GPHN: variants seen among roughly 807,000 people sequenced by gnomAD.
GPHN encodes gephyrin.
A neutral mutation model predicts 95.5 loss-of-function variants in GPHN; 17 were observed. The ratio of observed to expected loss-of-function variants is 0.18; its 90% confidence interval spans 0.12 to 0.27. The LOEUF is 0.27. Among genes scored for constraint, GPHN ranks in the 10% least tolerant of loss-of-function variants. The probability of loss-of-function intolerance (pLI) is 1.00; values close to 1 mark genes in which losing one functional copy is unlikely to be tolerated. For synonymous variants in GPHN, 320 were observed against 322.5 expected, an observed-to-expected ratio of 0.99 and a Z score of 0.08; for missense variants, 660 against 978.1, an observed-to-expected ratio of 0.67 and a Z score of 4.34.
chr14:67,363,910 T>G, the GPHN span: 1 of 152,216 alleles, frequency 6.6e-6, no homozygotes, highest in East Asian at 1.9e-4. Flanking sequence ...GTTTGAGAGC[T>G]TCCTTTTTTA....
chr14:66,653,413 A>G (rs2065146509), intron 1 of GPHN, among the ~76,000 whole-genome samples: 1 of 152,138 alleles, frequency 6.6e-6, no homozygotes, highest in Non-Finnish European at 1.5e-5. Context: ...TGGTTAAAAT[A>G]TTTTCTAAAG....
At chr14:66,962,337 G>GTT (rs1244757295) in intron 8 of GPHN, among the ~76,000 whole-genome samples, 3 of 138,008 alleles carry the variant, frequency 2.2e-5, no homozygotes, top group African/African-American at 2.6e-5. Flanking sequence ...GGCAGTTTTT[G>GTT]TTTTTTTTTT....
At chr14:66,625,213 G>A (rs936064917) in intron 1 of GPHN, among the ~76,000 whole-genome samples, 3 of 151,988 alleles carry the variant, frequency 2.0e-5, no homozygotes, top group Admixed American at 2.0e-4. Context: ...CATGTAACTG[G>A]AACTACAAAC....
the GPHN span, among the ~76,000 whole-genome samples, chr14:67,221,496 A>G: frequency 6.6e-6 from 1 of 152,258 alleles, no homozygotes; most frequent in African/African-American, 2.4e-5. Context: ...CAGCAGCCCT[A>G]TGGAGTGACT....
At chr14:67,526,235 G>A in the GPHN span, among the ~76,000 whole-genome samples, 1 of 152,222 alleles carries the variant, frequency 6.6e-6, no homozygotes, top group Non-Finnish European at 1.5e-5. Context: ...AATACAATTG[G>A]GAGTCGGTCT....
At chr14:67,104,052 A>G (rs938656447) in intron 13 of GPHN, among the ~76,000 whole-genome samples, 3 of 151,990 alleles carry the variant, frequency 2.0e-5, no homozygotes, top group Admixed American at 1.3e-4. Flanking sequence ...TTCTATACCT[A>G]AGTTGTTGAG....
At chr14:66,797,138 T>C (rs1227681160) in intron 3 of GPHN, among the ~76,000 whole-genome samples, 1 of 150,876 alleles carries the variant, frequency 6.6e-6, no homozygotes, top group Non-Finnish European at 1.5e-5. Flanking sequence ...ATAAGTTCAC[T>C]GTAGGTATGT....
At chr14:67,497,220 G>A in the GPHN span, among the ~76,000 whole-genome samples, 1 of 152,124 alleles carries the variant, frequency 6.6e-6, no homozygotes, top group Non-Finnish European at 1.5e-5. Context: ...GGTTGTCTGG[G>A]GTCACGGGAG....
the GPHN span, among the ~76,000 whole-genome samples, chr14:67,668,680 G>A: frequency 4.6e-5 from 7 of 152,310 alleles, no homozygotes; most frequent in Admixed American, 3.3e-4. Flanking sequence ...ACAACATTGA[G>A]CTTATATTCT....
intron 2 of GPHN, among the ~76,000 whole-genome samples, chr14:66,737,439 C>CT (rs1395750955): frequency 2.6e-5 from 4 of 151,640 alleles, no homozygotes; most frequent in East Asian, 1.9e-4. Context: ...GCCCCTTTTT[C>CT]TTTTTTTTTC....
chr14:66,737,452 T>G (rs1178676062), intron 2 of GPHN, among the ~76,000 whole-genome samples: 1 of 152,214 alleles, frequency 6.6e-6, no homozygotes, highest in Admixed American at 6.5e-5. Flanking sequence ...TTTTTTTCTT[T>G]TCATATTCTA....
intron 1 of GPHN, among the ~76,000 whole-genome samples, chr14:66,561,454 G>A (rs1255341337): frequency 6.6e-6 from 1 of 152,016 alleles, no homozygotes; most frequent in Admixed American, 6.6e-5. Flanking sequence ...GTCGAATCCT[G>A]AGGTTTCTTG....
intron 2 of GPHN, among the ~76,000 whole-genome samples, chr14:66,702,610 GACA>G (rs1408891866): frequency 2.0e-5 from 3 of 151,892 alleles, no homozygotes; most frequent in Non-Finnish European, 4.4e-5. Context: ...CAACAGCATC[GACA>G]ACAACAACAA....
At chr14:67,724,022 T>C in the GPHN span, among the ~76,000 whole-genome samples, 1 of 152,254 alleles carries the variant, frequency 6.6e-6, no homozygotes, top group Non-Finnish European at 1.5e-5. Context: ...AGTACCTGTG[T>C]GTGCCACCCC....
Position 67,061,327 on chromosome 14 carries a change from C to T in GPHN, c.1144+2541C>T, listed in dbSNP as rs528915959. Among the ~76,000 whole-genome samples the T allele has an allele frequency of 2.6e-4, 40 of 152,240 alleles. 1 individual carries two copies. The South Asian group carries it at 5.2e-3, about 20-fold the overall frequency. On this transcript the variant is annotated intron_variant, in intron 11 of 22. Transcript: ENST00000478722. ...AAGTGCTCACAGGAGTGAGCCAATGCGCCTGGCCCAGTTTAGGTCTTTATT... is the reference window on the plus strand; with the variant it reads ...AAGTGCTCACAGGAGTGAGCCAATGTGCCTGGCCCAGTTTAGGTCTTTATT...
At chr14:67,507,836 C>T in the GPHN span, among the ~76,000 whole-genome samples, 8 of 152,218 alleles carry the variant, frequency 5.3e-5, no homozygotes, top group South Asian at 1.4e-3. Context: ...CCCACTGAAG[C>T]GGTTAAAAGA....
chr14:67,582,147 A>G, the GPHN span: 3 of 1,613,588 alleles, frequency 1.9e-6, no homozygotes, highest in Non-Finnish European at 2.5e-6. This position sits in a 1 kb window ranked among gnomAD's most constrained non-coding sequence, Gnocchi z 5.0. Flanking sequence ...GTAGAGAGAT[A>G]GTGGCAGGGA....
At chr14:66,707,569 A>T (rs1319658696) in intron 2 of GPHN, among the ~76,000 whole-genome samples, 3 of 152,212 alleles carry the variant, frequency 2.0e-5, no homozygotes, top group African/African-American at 7.2e-5. Flanking sequence ...GTGGGAACAG[A>T]AAACCAAACA....
At chr14:67,621,934 T>TA in the GPHN span, among the ~76,000 whole-genome samples, 6 of 151,822 alleles carry the variant, frequency 4.0e-5, no homozygotes, top group Admixed American at 1.3e-4. Context: ...CCTTCTCTAC[T>TA]AAAAATACAA....
Sources: gnomAD v4.1 joint callset for allele counts (sites outside exome capture counted in the v4.1 genomes callset) on GRCh38, gnomAD v4.1.1 for gene constraint, Gnocchi (gnomAD v3.1) non-coding constraint, MANE v1.5 for transcripts, NCBI Gene and HGNC (gene_info 2026-07-23, HGNC 2026-07-21) for gene names.